The following MAML2 variants were observed in gnomAD, a reference collection of about 807,000 sequenced individuals.
The protein encoded by MAML2 is mastermind like transcriptional coactivator 2.
MAML2 carries 22 observed loss-of-function variants against 96.1 expected under a neutral mutation model. The ratio of observed to expected loss-of-function variants is 0.23; its 90% CI spans 0.16 to 0.33. The LOEUF is 0.33. MAML2 is among the 10% of genes least tolerant of loss of function. The probability of loss-of-function intolerance (pLI) is 1.00; values close to 1 mark genes in which losing one functional copy is unlikely to be tolerated. For synonymous variants in MAML2, 561 were observed against 521.3 expected, an observed-to-expected ratio of 1.08 and a Z score of -1.04; for missense variants, 1,367 against 1,392.4, an observed-to-expected ratio of 0.98 and a Z score of 0.29.
chr11:96,244,228 G>A (rs1355260537), intron 1 of MAML2, among the ~76,000 whole-genome samples: 3 of 152,184 alleles, frequency 2.0e-5, no homozygotes, highest in Non-Finnish European at 4.4e-5. Context: ...TGCCTTAAGG[G>A]CACTTACCAA....
intron 1 of MAML2, among the ~76,000 whole-genome samples, chr11:96,202,729 G>C (rs948832308): frequency 6.6e-6 from 1 of 151,838 alleles, no homozygotes; most frequent in African/African-American, 2.4e-5. Context: ...CCGGGTTCAA[G>C]CGATTCTCCT....
At chr11:96,312,244 A>AAAAAAAAAAAAAAAT (rs60194294) in intron 1 of MAML2, among the ~76,000 whole-genome samples, 1 of 147,740 alleles carries the variant, frequency 6.8e-6, no homozygotes, top group Non-Finnish European at 1.5e-5. Flanking sequence ...AAAAAAAAAA[A>AAAAAAAAAAAAAAAT]GAATGAGCAA....
Position 96,224,676 on chromosome 11 carries a change from G to A in MAML2, c.513+116707C>T, listed in dbSNP as rs570736519. On this transcript the variant is annotated intron_variant, in intron 1 of 4. Transcript: ENST00000524717. ...TCTGTTATACTCTCAGCTTCTCTGG[G>A]ACAGATTATATCTTTGTCACCTCTG... Among the ~76,000 whole-genome samples the A allele has an allele frequency of 1.8e-4, 28 of 152,252 alleles. No homozygotes were observed. In the South Asian group the frequency reaches 5.0e-3, roughly 27 times the overall value.
intron 2 of MAML2, among the ~76,000 whole-genome samples, chr11:96,076,063 C>G (rs1484513155): frequency 6.6e-6 from 1 of 152,118 alleles, no homozygotes; most frequent in African/African-American, 2.4e-5. Context: ...CCTGCAAGGC[C>G]TAGATAGAAG....
chr11:96,204,137 A>G (rs1348737231), intron 1 of MAML2, among the ~76,000 whole-genome samples: 1 of 152,120 alleles, frequency 6.6e-6, no homozygotes, highest in Non-Finnish European at 1.5e-5. Context: ...GGCTGCCTTG[A>G]AAGGAAGCAT....
chr11:96,058,956 C>T (rs1859112257), intron 2 of MAML2, among the ~76,000 whole-genome samples: 1 of 152,184 alleles, frequency 6.6e-6, no homozygotes, highest in East Asian at 1.9e-4. Context: ...GTGGTGCACA[C>T]CTATAATCCC....
At chr11:96,052,690 T>C (rs1859006520) in intron 2 of MAML2, among the ~76,000 whole-genome samples, 1 of 152,248 alleles carries the variant, frequency 6.6e-6, no homozygotes, top group Non-Finnish European at 1.5e-5. Context: ...TATAGAGTCT[T>C]AGACCAATTT....
intron 1 of MAML2, among the ~76,000 whole-genome samples, chr11:96,120,922 C>A (rs763828522): frequency 1.2e-4 from 19 of 152,160 alleles, no homozygotes; most frequent in Non-Finnish European, 2.6e-4. Context: ...TAGTTCTTGC[C>A]TCCAAATCGC....
At chr11:96,154,786 G>A (rs1405067638) in intron 1 of MAML2, among the ~76,000 whole-genome samples, 2 of 152,186 alleles carry the variant, frequency 1.3e-5, no homozygotes, top group African/African-American at 4.8e-5. Flanking sequence ...ATAGTAACGT[G>A]CAGAGAGTGC....
chr11:96,117,289 CT>C (rs11371864), intron 1 of MAML2, among the ~76,000 whole-genome samples: 8,472 of 145,404 alleles, frequency 0.058, 277 homozygotes, highest in Middle Eastern at 0.16. Flanking sequence ...CTGCAAAGCT[CT>C]TTTTTTTTTT....
intron 1 of MAML2, among the ~76,000 whole-genome samples, chr11:96,117,331 T>C (rs1207548497): frequency 6.6e-6 from 1 of 151,712 alleles, no homozygotes; most frequent in Non-Finnish European, 1.5e-5. Flanking sequence ...GGTCTCGCTC[T>C]GTTGCCTAGG....
rs952984638 is a variant in MAML2 at position 96,069,010 on chromosome 11, C to A, written c.2139+22882G>T. 2.1e-5 allele frequency among the ~76,000 whole-genome samples: 3 copies of A among 143,182 alleles called. No homozygotes were observed. The Admixed American group carries it at 2.2e-4, about 10-fold the overall frequency. The allele number at this position is 143,182 out of a possible 152,430, so 93.9% of individuals were successfully genotyped here. ...GATCATAGCTCACTGCGGTCTCAAA[C>A]TCCTGGGTTTATGTGATCCTCCTGT... On this transcript the variant is annotated intron_variant, in intron 2 of 4. Transcript: ENST00000524717.
chr11:96,277,088 T>C (rs1862999250), intron 1 of MAML2, among the ~76,000 whole-genome samples: 1 of 152,134 alleles, frequency 6.6e-6, no homozygotes, highest in African/African-American at 2.4e-5. Flanking sequence ...AGGCAATATA[T>C]TTAAAGTGTC....
chr11:96,097,860 T>A (rs1859858538), intron 1 of MAML2, among the ~76,000 whole-genome samples: 1 of 152,136 alleles, frequency 6.6e-6, no homozygotes, highest in Admixed American at 6.5e-5. Context: ...AGGCTTGTGC[T>A]CTTATATACC....
chr11:96,009,250 C>A (rs1388292692), intron 2 of MAML2, among the ~76,000 whole-genome samples: 1 of 152,162 alleles, frequency 6.6e-6, no homozygotes, highest in South Asian at 2.1e-4. Flanking sequence ...GCAACTTTTC[C>A]TTTACATCTT....
chr11:96,269,411 C>A (rs1862881775), intron 1 of MAML2, among the ~76,000 whole-genome samples: 1 of 144,674 alleles, frequency 6.9e-6, no homozygotes, highest in South Asian at 2.2e-4. Context: ...ACTGAAGGGA[C>A]CAAGGCTATT....
chr11:96,335,539 A>G (rs934233831), intron 1 of MAML2, among the ~76,000 whole-genome samples: 1 of 152,210 alleles, frequency 6.6e-6, no homozygotes, highest in Non-Finnish European at 1.5e-5. Flanking sequence ...ATAACTCACC[A>G]TGAATGGGAG....
At chr11:96,196,845 T>C (rs946811569) in intron 1 of MAML2, among the ~76,000 whole-genome samples, 4 of 151,774 alleles carry the variant, frequency 2.6e-5, no homozygotes, top group Non-Finnish European at 4.4e-5. Context: ...CTATACCTTC[T>C]ATAGTCCAAT....
At chr11:96,327,311 A>G (rs1328809929) in intron 1 of MAML2, among the ~76,000 whole-genome samples, 1 of 152,004 alleles carries the variant, frequency 6.6e-6, no homozygotes, top group East Asian at 1.9e-4. Context: ...GTCTCCTGTC[A>G]CTCCAGACTT....
Sources: gnomAD v4.1 joint callset for allele counts (sites outside exome capture counted in the v4.1 genomes callset) on GRCh38, gnomAD v4.1.1 for gene constraint, MANE v1.5 for transcripts, NCBI Gene and HGNC (gene_info 2026-07-23, HGNC 2026-07-21) for gene names.